HAPLN1: variants seen among roughly 807,000 people sequenced by gnomAD.
HAPLN1 encodes the protein Cartilage link protein.
Under a neutral mutation model 36.5 loss-of-function variants are expected in HAPLN1, and 13 were observed. That is an observed-to-expected ratio of 0.36 (90% CI 0.23 to 0.57). The LOEUF is 0.57. Among genes scored for constraint, HAPLN1 ranks in the 20% least tolerant of loss-of-function variants. The pLI is 0.83. For synonymous variants in HAPLN1, 202 were observed against 169.8 expected, an observed-to-expected ratio of 1.19 and a Z score of -1.48; for missense variants, 407 against 439.7, an observed-to-expected ratio of 0.93 and a Z score of 0.66.
intron 2 of HAPLN1, among the ~76,000 whole-genome samples, chr5:83,668,820 C>T (rs528955789): frequency 6.6e-6 from 1 of 152,276 alleles, no homozygotes; most frequent in South Asian, 2.1e-4. Context: ...GCAGGAAGTC[C>T]GTGTGAGGAC....
intron 1 of HAPLN1, among the ~76,000 whole-genome samples, chr5:83,719,193 A>T (rs1396263840): frequency 6.6e-6 from 1 of 152,242 alleles, no homozygotes; most frequent in East Asian, 1.9e-4. Flanking sequence ...GGCCTTGCTG[A>T]AAATAAATGG....
rs937203843 is a variant in HAPLN1, at chr5:83,640,072, A to G, written c.*1424T>C. 3.9e-5 allele frequency: 6 copies of G among 152,180 alleles called. No homozygotes were observed. Among genetic ancestry groups the G allele is most frequent in the African/African-American group, 1.2e-4 (5 of 41,470 alleles). 9.4% of individuals were successfully genotyped at this position (152,180 alleles called of 1,614,324 possible). Reference sequence around the variant, plus strand: ...CATGAAAGCATACCGGCTATGTCATACTTGGATTATTATAGTAAATCCCAT... The same window carrying G: ...CATGAAAGCATACCGGCTATGTCATGCTTGGATTATTATAGTAAATCCCAT... On this transcript the variant is annotated 3_prime_UTR_variant, in exon 5 of 5. Transcript: ENST00000274341.
intron 1 of HAPLN1, among the ~76,000 whole-genome samples, chr5:83,689,190 A>G (rs1171692160): frequency 6.6e-6 from 1 of 152,094 alleles, no homozygotes; most frequent in Non-Finnish European, 1.5e-5. Flanking sequence ...TATTTTGGCT[A>G]TTCTTCCTAT....
intron 1 of HAPLN1, among the ~76,000 whole-genome samples, chr5:83,688,642 C>CTTTTTTTTTTTTTTTTTTTT (rs539790396): frequency 5.0e-5 from 4 of 80,586 alleles, no homozygotes; most frequent in Admixed American, 1.5e-4. Context: ...GCTTTTGATT[C>CTTTTTTTTTTTTTTTTTTTT]TTTTTTTTTT....
intron 1 of HAPLN1, among the ~76,000 whole-genome samples, chr5:83,702,545 G>A (rs981841729): frequency 6.6e-6 from 1 of 152,086 alleles, no homozygotes; most frequent in Non-Finnish European, 1.5e-5. Context: ...TGAAGGGTTT[G>A]GTCTCTCAGA....
chr5:83,644,735 G>A, intron 3 of HAPLN1, 70 bp from the exon 4 acceptor site: 2 of 1,188,346 alleles, frequency 1.7e-6, no homozygotes, highest in South Asian at 2.8e-5. Context: ...ATGCCACCTA[G>A]TTGGTGAAAA....
At chr5:83,688,812 C>T (rs1418825036) in intron 1 of HAPLN1, among the ~76,000 whole-genome samples, 2 of 151,974 alleles carry the variant, frequency 1.3e-5, no homozygotes, top group South Asian at 2.1e-4. Flanking sequence ...CTATCACCCT[C>T]TGCTATGTAC....
At position 83,665,258 on chromosome 5, in the gene HAPLN1, G is replaced by A. The variant is rs911127065; in HGVS notation, c.100+8166C>T. Among the ~76,000 whole-genome samples, 13 of 152,182 alleles carry A rather than the reference G, an allele frequency of 8.5e-5. No individual in the cohort carries two copies. The South Asian group carries it at 1.9e-3, about 22-fold the overall frequency. On this transcript the variant is annotated intron_variant, in intron 2 of 4. Coordinates refer to ENST00000274341, the MANE Select transcript of HAPLN1 (RefSeq NM_001884.4). Reference sequence around the variant, plus strand: ...GCAATATTATTAGTCATAGATAATCGTGAAATCATTCTGAACAAATATAGT... The same window carrying A: ...GCAATATTATTAGTCATAGATAATCATGAAATCATTCTGAACAAATATAGT...
At chr5:83,705,387 CAAAAAAAAAAA>C (rs762927081) in intron 1 of HAPLN1, among the ~76,000 whole-genome samples, 3 of 85,424 alleles carry the variant, frequency 3.5e-5, no homozygotes, top group East Asian at 3.5e-4. Flanking sequence ...TGAAACGTCA[CAAAAAAAAAAA>C]AAAAAAAAAA....
intron 2 of HAPLN1, among the ~76,000 whole-genome samples, chr5:83,667,893 C>T (rs964022202): frequency 6.6e-6 from 1 of 152,236 alleles, no homozygotes; most frequent in African/African-American, 2.4e-5. Context: ...GGCGGACTCT[C>T]ATGGAGTATC....
intron 3 of HAPLN1, among the ~76,000 whole-genome samples, chr5:83,647,601 T>G (rs776380748): frequency 5.9e-5 from 9 of 152,174 alleles, no homozygotes; most frequent in Non-Finnish European, 1.2e-4. Flanking sequence ...AGAAAAAATG[T>G]GCAATTCTTA....
At chr5:83,712,914 T>C (rs1580167881) in intron 1 of HAPLN1, among the ~76,000 whole-genome samples, 1 of 147,668 alleles carries the variant, frequency 6.8e-6, no homozygotes. Context: ...TGCTGAGAAG[T>C]CCAGAGAAAT....
chr5:83,717,106 T>TC (rs1378484230), intron 1 of HAPLN1, among the ~76,000 whole-genome samples: 2 of 152,164 alleles, frequency 1.3e-5, no homozygotes, highest in Non-Finnish European at 2.9e-5. Flanking sequence ...TTAGGCAGTC[T>TC]CTCACTAGCT....
At chr5:83,692,577 C>G (rs543744604) in intron 1 of HAPLN1, among the ~76,000 whole-genome samples, 7 of 151,800 alleles carry the variant, frequency 4.6e-5, no homozygotes, top group African/African-American at 1.7e-4. Context: ...GTTAGACATA[C>G]AAAGCTAAAA....
rs189237262 is a variant in HAPLN1, at chr5:83,638,253, T to G, written c.*3243A>C. On this transcript the variant is annotated 3_prime_UTR_variant, in exon 5 of 5. Coordinates refer to ENST00000274341, the MANE Select transcript of HAPLN1 (RefSeq NM_001884.4). Reference sequence around the variant, plus strand: ...CCAGTTCATTGTATCTTACAGAAAATCAAAACATTTTTTTTTTGGTAATAC... The same window carrying G: ...CCAGTTCATTGTATCTTACAGAAAAGCAAAACATTTTTTTTTTGGTAATAC... 7 of 150,222 alleles carry G rather than the reference T, an allele frequency of 4.7e-5. No individual in the cohort carries two copies. The highest frequency in any genetic ancestry group is 1.8e-4 in the African/African-American group (7 of 39,782). 9.3% of individuals were successfully genotyped at this position (150,222 alleles called of 1,614,324 possible). A position where few individuals can be genotyped will look rare whatever the true frequency, so the allele number is the denominator to read the frequency against.
chr5:83,683,514 G>A (rs1045378795), intron 1 of HAPLN1, among the ~76,000 whole-genome samples: 2 of 152,108 alleles, frequency 1.3e-5, no homozygotes, highest in Middle Eastern at 3.2e-3. Context: ...ATCAGTGTTG[G>A]GCAAATGACA....
intron 1 of HAPLN1, among the ~76,000 whole-genome samples, chr5:83,675,667 C>T (rs1490403056): frequency 6.6e-6 from 1 of 152,080 alleles, no homozygotes; most frequent in Non-Finnish European, 1.5e-5. Context: ...ACTGACTATC[C>T]AACAACCTAA....
At chr5:83,679,587 A>G (rs559718606) in intron 1 of HAPLN1, among the ~76,000 whole-genome samples, 2 of 152,258 alleles carry the variant, frequency 1.3e-5, no homozygotes, top group East Asian at 1.9e-4. Flanking sequence ...TTATTACATT[A>G]TATGATATTT....
At chr5:83,665,286 T>C (rs1447377814) in intron 2 of HAPLN1, among the ~76,000 whole-genome samples, 2 of 152,176 alleles carry the variant, frequency 1.3e-5, no homozygotes, top group Non-Finnish European at 2.9e-5. Context: ...AATATAGTCA[T>C]CTAGAAAGAA....
Sources: gnomAD v4.1 joint callset for allele counts (sites outside exome capture counted in the v4.1 genomes callset) on GRCh38, gnomAD v4.1.1 for gene constraint, MANE v1.5 for transcripts, NCBI Gene and HGNC (gene_info 2026-07-23, HGNC 2026-07-21) for gene names.